Variants in ERCC6L observed in about 807,000 individuals in gnomAD.
ERCC6L encodes ERCC excision repair 6 like, spindle assembly checkpoint helicase.
Under a neutral mutation model 20.1 loss-of-function variants are expected in ERCC6L, and 7 were observed. The ratio of observed to expected loss-of-function variants is 0.35; its 90% confidence interval spans 0.20 to 0.65. ERCC6L has a LOEUF of 0.65. Among genes scored for constraint, ERCC6L ranks in the 30% least tolerant of loss-of-function variants. The pLI is 0.69. For missense variants in ERCC6L, 592 were observed against 892.4 expected (o/e 0.66, Z 4.29); for synonymous variants, 278 against 331.3 (o/e 0.84, Z 1.75).
At chrX:72,236,203 C>T (rs780500363) in intron 1 of ERCC6L, among the ~76,000 whole-genome samples, 47 of 112,298 alleles carry the variant, frequency 4.2e-4, no homozygotes, top group African/African-American at 1.5e-3. Context: ...CCTGTAATCC[C>T]AGTGCTTTGG....
intron 1 of ERCC6L, among the ~76,000 whole-genome samples, chrX:72,216,001 T>C (rs1267657298): frequency 9.0e-6 from 1 of 110,933 alleles, no homozygotes; most frequent in Non-Finnish European, 1.9e-5. Flanking sequence ...TGATTCTATG[T>C]ACATTTCCCA....
At chrX:72,226,671 T>A (rs962963129) in intron 1 of ERCC6L, among the ~76,000 whole-genome samples, 1 of 111,191 alleles carries the variant, frequency 9.0e-6, no homozygotes, top group Non-Finnish European at 1.9e-5. Context: ...ACCGTGAGGC[T>A]GAGTATTGGG....
chrX:72,213,938 G>C (rs187349450), intron 1 of ERCC6L, among the ~76,000 whole-genome samples: 146 of 112,251 alleles, frequency 1.3e-3, no homozygotes, highest in African/African-American at 4.7e-3. Flanking sequence ...TCCCTATACT[G>C]ATCCAGCTCC....
intron 1 of ERCC6L, among the ~76,000 whole-genome samples, chrX:72,235,004 G>T (rs1488043152): frequency 8.9e-6 from 1 of 112,241 alleles, no homozygotes; most frequent in Non-Finnish European, 1.9e-5. Context: ...CCAGTCACAT[G>T]ATTGTTTCTT....
chrX:72,205,397 C>T lies in ERCC6L; in HGVS notation c.3370G>A (p.Glu1124Lys), dbSNP rs1435115337. 1.7e-6 allele frequency: 2 copies of T among 1,210,601 alleles called. No homozygotes were observed. Among genetic ancestry groups the T allele is most frequent in the Admixed American group, 4.4e-5 (2 of 45,829 alleles). The change falls in exon 2 of 2, where the codon GAA becomes AAA. Residue 1124 changes from glutamate to lysine, a missense_variant. Glu to Lys is a moderately conservative substitution (Grantham distance 56). Around this residue, in one of 3 missense-constraint regions of ERCC6L, gnomAD observed 352 missense variants for 402.6 expected, o/e 0.87. Transcript: ENST00000334463. ...LDDSSEAKGP[E>K]DYPEEGVEES... is the part of the protein sequence containing the mutation. ...TCCACCCCTTCTTCTGGATAATCTTCAGGACCCTTTGCTTCACTGCTGTCG... is the reference window on the plus strand; with the variant it reads ...TCCACCCCTTCTTCTGGATAATCTTTAGGACCCTTTGCTTCACTGCTGTCG...
chrX:72,206,474 C>T lies in ERCC6L; in HGVS notation c.2293G>A (p.Glu765Lys). The change falls in exon 2 of 2, where the codon GAA becomes AAA. Residue 765 changes from glutamate to lysine, a missense_variant. Around this residue, in one of 3 missense-constraint regions of ERCC6L, gnomAD observed 352 missense variants for 402.6 expected, o/e 0.87. Transcript: ENST00000334463. ...SPLLSTHHTQ[E>K]EDISSKMASV... ...GCCATTTTGGAACTGATATCTTCTT[C>T]CTGAGTATGATGAGTACTTAGAAGA... The T allele has an allele frequency of 1.7e-6, 2 of 1,211,101 alleles. No homozygotes were observed. Among genetic ancestry groups the T allele is most frequent in the Non-Finnish European group, 1.1e-6 (1 of 895,360 alleles).
chrX:72,231,150 A>G (rs1028013070), intron 1 of ERCC6L, among the ~76,000 whole-genome samples: 108 of 112,368 alleles, frequency 9.6e-4, no homozygotes, highest in African/African-American at 3.4e-3. Context: ...TATTCATAGT[A>G]GCCAAGAAAA....
At chrX:72,226,107 A>C (rs1405023333) in intron 1 of ERCC6L, among the ~76,000 whole-genome samples, 6 of 110,781 alleles carry the variant, frequency 5.4e-5, no homozygotes, top group Non-Finnish European at 7.6e-5. Context: ...TCAACACTCT[A>C]TCTCTCTTCA....
Position 72,206,610 on chromosome X carries a change from C to T in ERCC6L, c.2157G>A (p.Met719Ile), listed in dbSNP as rs1245518499. The change falls in exon 2 of 2, where the codon ATG becomes ATA. Residue 719 changes from methionine to isoleucine, a missense_variant. By Grantham distance (10) the Met-to-Ile change is conservative (BLOSUM62 1). Coordinates refer to ENST00000334463, the MANE Select transcript of ERCC6L (RefSeq NM_017669.4). The stretch of plus-strand genomic sequence containing the variant: ...CCTCATTTCTAGTTCTTTGTTGTTC[C>T]ATCAGGAACTCTTTATTTTGAGACT... ...EFESQNKEFLMEQQRTRNEGA... is the reference protein window; with the variant it reads ...EFESQNKEFLIEQQRTRNEGA... The T allele has an allele frequency of 8.3e-7, 1 of 1,209,057 alleles. No homozygotes were observed. The highest frequency in any genetic ancestry group is 1.8e-5 in the African/African-American group (1 of 57,004).
chrX:72,213,451 G>A (rs1419623210), intron 1 of ERCC6L, among the ~76,000 whole-genome samples: 2 of 111,514 alleles, frequency 1.8e-5, no homozygotes, highest in African/African-American at 6.5e-5. Context: ...CCCATTGTAT[G>A]GGAGCTCTGT....
chrX:72,223,243 A>G (rs6624611), intron 1 of ERCC6L, among the ~76,000 whole-genome samples: 1 of 101,152 alleles, frequency 9.9e-6, no homozygotes, highest in African/African-American at 3.6e-5. Flanking sequence ...GGGAGGCTGA[A>G]GCAGGAGAAT....
chrX:72,235,389 C>CTTTTTTTT (rs144267277), intron 1 of ERCC6L, among the ~76,000 whole-genome samples: 1 of 68,570 alleles, frequency 1.5e-5, no homozygotes, highest in African/African-American at 6.8e-5. Context: ...CCCTCTTCCA[C>CTTTTTTTT]TTTTTTTTTT....
intron 1 of ERCC6L, among the ~76,000 whole-genome samples, chrX:72,211,653 A>G (rs1286075673): frequency 9.0e-6 from 1 of 110,833 alleles, no homozygotes; most frequent in Non-Finnish European, 1.9e-5. Flanking sequence ...AGTGGCACAC[A>G]CCTGTAGTCA....
At chrX:72,233,619 G>A (rs1218799735) in intron 1 of ERCC6L, among the ~76,000 whole-genome samples, 1 of 108,126 alleles carries the variant, frequency 9.2e-6, no homozygotes, top group Non-Finnish European at 1.9e-5. Flanking sequence ...CTACTCGGGA[G>A]GCTGAGGCAG....
Position 72,205,419 on chromosome X carries a change from G to A in ERCC6L, c.3348C>T (p.Asp1116=). 8.3e-7 allele frequency: 1 copy of A among 1,211,754 alleles called. No homozygotes were observed. Among genetic ancestry groups the A allele is most frequent in the Admixed American group, 2.2e-5 (1 of 46,038 alleles). ...HVEDMEERLD[D]SSEAKGPEDY... is the part of the protein sequence containing the mutation. ...CTTCAGGACCCTTTGCTTCACTGCTGTCGTCAAGTCTTTCCTCCATGTCCT... is the reference window on the plus strand; with the variant it reads ...CTTCAGGACCCTTTGCTTCACTGCTATCGTCAAGTCTTTCCTCCATGTCCT... Residue 1116 remains aspartate (D), a synonymous_variant, in exon 2 of 2, where the codon GAC becomes GAT. Transcript: ENST00000334463.
intron 1 of ERCC6L, among the ~76,000 whole-genome samples, chrX:72,214,810 A>C (rs2042878645): frequency 9.0e-6 from 1 of 111,638 alleles, no homozygotes; most frequent in Non-Finnish European, 1.9e-5. Flanking sequence ...ATCATGGTGG[A>C]ACACCATCTC....
chrX:72,238,744 C>G (rs2043031712), intron 1 of ERCC6L, 100 bp downstream of exon 1: 2 of 794,525 alleles, frequency 2.5e-6, no homozygotes, highest in Non-Finnish European at 3.6e-6. Flanking sequence ...TCAAAAGGCT[C>G]CGCCTCAACA....
chrX:72,234,823 A>G (rs755048406), intron 1 of ERCC6L, among the ~76,000 whole-genome samples: 1 of 111,660 alleles, frequency 9.0e-6, no homozygotes, highest in African/African-American at 3.3e-5. Flanking sequence ...CAACCCAGTG[A>G]AATTGGAAGC....
chrX:72,228,059 C>T (rs898607885), intron 1 of ERCC6L, among the ~76,000 whole-genome samples: 1 of 112,220 alleles, frequency 8.9e-6, no homozygotes, highest in African/African-American at 3.2e-5. Context: ...TTGTTCTCCT[C>T]TGTCTTTGCC....
Sources: gnomAD v4.1 joint callset for allele counts (sites outside exome capture counted in the v4.1 genomes callset) on GRCh38, gnomAD v4.1.1 for gene constraint, gnomAD v4.1.1 regional missense constraint, MANE v1.5 for transcripts, NCBI Gene and HGNC (gene_info 2026-07-23, HGNC 2026-07-21) for gene names.